CHSY1: variants seen among roughly 807,000 people sequenced by gnomAD.
The protein encoded by CHSY1 is chondroitin sulfate synthase 1, also known as N-acetylgalactosaminyl-proteoglycan 3-beta-glucuronosyltransferase 1.
CHSY1 carries 13 observed loss-of-function variants against 59.8 expected under a neutral mutation model. The observed-to-expected ratio is 0.22, with a 90% CI of 0.14 to 0.35. The LOEUF (loss-of-function observed/expected upper bound fraction) is 0.35. Among genes scored for constraint, CHSY1 ranks in the 10% least tolerant of loss-of-function variants. The pLI is 1.00. For missense variants in CHSY1, 947 were observed against 1,030.6 expected, an observed-to-expected ratio of 0.92 and a Z score of 1.11; for synonymous variants, 459 against 401.2, an observed-to-expected ratio of 1.14 and a Z score of -1.72.
rs748617879 is a variant in CHSY1, at chr15:101,178,343, T to C, written c.1454A>G (p.His485Arg). Residue 485 changes from histidine to arginine, a missense_variant, in exon 3 of 3, where the codon CAT becomes CGT. This residue lies in a region of CHSY1 where 602 missense variants were observed against 676.9 expected (regional missense o/e 0.89). Coordinates refer to ENST00000254190, the MANE Select transcript of CHSY1 (RefSeq NM_014918.5). ...QTFSKIQFVE[H>R]EELDAQELAK... Reference sequence around the variant, plus strand: ...CAACTCTTGTGCATCCAGCTCCTCATGCTCCACAAACTGGATTTTGCTGAA... The same window carrying C: ...CAACTCTTGTGCATCCAGCTCCTCACGCTCCACAAACTGGATTTTGCTGAA... 17 of 1,607,948 alleles carry C rather than the reference T, an allele frequency of 1.1e-5. No individual in the cohort carries two copies. Among genetic ancestry groups the C allele is most frequent in the East Asian group, 2.2e-5 (1 of 44,736 alleles).
At chr15:101,185,692 G>A (rs2038351507) in intron 2 of CHSY1, among the ~76,000 whole-genome samples, 2 of 137,252 alleles carry the variant, frequency 1.5e-5, no homozygotes, top group Middle Eastern at 3.8e-3. Context: ...TGTTCTCCTC[G>A]AAATATCTTT....
At chr15:101,218,999 T>G (rs2038762778) in intron 2 of CHSY1, among the ~76,000 whole-genome samples, 1 of 152,206 alleles carries the variant, frequency 6.6e-6, no homozygotes, top group African/African-American at 2.4e-5. Context: ...GAGTTCAAAC[T>G]GCAGGCTCCA....
At chr15:101,224,497 G>A (rs1213071248) in intron 2 of CHSY1, among the ~76,000 whole-genome samples, 1 of 152,176 alleles carries the variant, frequency 6.6e-6, no homozygotes, top group Non-Finnish European at 1.5e-5. Context: ...TGTTTTAAGA[G>A]TATAAATGGC....
Position 101,183,476 on chromosome 15 carries a change from A to G in CHSY1, c.817-4496T>C, listed in dbSNP as rs117474047. 9.8e-3 allele frequency among the ~76,000 whole-genome samples: 1,487 copies of G among 152,346 alleles called. 39 individuals are homozygous for G. The highest frequency in any genetic ancestry group is 9.5e-3 in the Non-Finnish European group (646 of 68,034). Reference sequence around the variant, plus strand: ...AGGAGTGGAAAATTATTCTCAGTGTAGAATTCTCTTCCCAAACTATCCATC... The same window carrying G: ...AGGAGTGGAAAATTATTCTCAGTGTGGAATTCTCTTCCCAAACTATCCATC... On this transcript the variant is annotated intron_variant, in intron 2 of 2. Transcript: ENST00000254190.
At chr15:101,212,280 T>C (rs969592290) in intron 2 of CHSY1, among the ~76,000 whole-genome samples, 3 of 152,192 alleles carry the variant, frequency 2.0e-5, no homozygotes, top group African/African-American at 7.2e-5. Flanking sequence ...ATTAAGTATA[T>C]ACCTATCCTC....
chr15:101,201,225 C>T (rs2038571343), intron 2 of CHSY1, among the ~76,000 whole-genome samples: 1 of 152,186 alleles, frequency 6.6e-6, no homozygotes, highest in Non-Finnish European at 1.5e-5. Flanking sequence ...AGAGTAGAAT[C>T]ATCTGAGATT....
At chr15:101,239,358 G>T (rs943967684) in intron 1 of CHSY1, among the ~76,000 whole-genome samples, 5 of 152,202 alleles carry the variant, frequency 3.3e-5, no homozygotes, top group African/African-American at 1.2e-4. Flanking sequence ...AGATGGGGTG[G>T]GCGAGACAAT....
chr15:101,206,573 C>A (rs2038628949), intron 2 of CHSY1, among the ~76,000 whole-genome samples: 1 of 151,896 alleles, frequency 6.6e-6, no homozygotes, highest in Admixed American at 6.6e-5. Flanking sequence ...ACAAATAACA[C>A]TTCAGAAAAT....
intron 2 of CHSY1, among the ~76,000 whole-genome samples, chr15:101,203,189 G>T (rs1015812339): frequency 1.3e-5 from 2 of 152,196 alleles, no homozygotes; most frequent in African/African-American, 4.8e-5. Context: ...GAAATAGGGG[G>T]GGTGAGGGAG....
At chr15:101,208,252 G>A (rs2038647418) in intron 2 of CHSY1, among the ~76,000 whole-genome samples, 1 of 152,122 alleles carries the variant, frequency 6.6e-6, no homozygotes, top group South Asian at 2.1e-4. Flanking sequence ...ACAGCAACGA[G>A]CACACCCACA....
chr15:101,182,082 T>A (rs1413553476), intron 2 of CHSY1, among the ~76,000 whole-genome samples: 1 of 152,234 alleles, frequency 6.6e-6, no homozygotes, highest in Non-Finnish European at 1.5e-5. Context: ...ACCGTCTGTA[T>A]CTGAAATGGA....
intron 2 of CHSY1, among the ~76,000 whole-genome samples, chr15:101,222,562 C>T (rs755511534): frequency 3.3e-5 from 5 of 152,178 alleles, no homozygotes; most frequent in Non-Finnish European, 1.5e-5. Context: ...CAATCTAGGG[C>T]CCCACAGTAC....
chr15:101,219,256 T>C (rs1316611049), intron 2 of CHSY1, among the ~76,000 whole-genome samples: 2 of 152,244 alleles, frequency 1.3e-5, no homozygotes, highest in African/African-American at 2.4e-5. Context: ...CTGAAATTAA[T>C]AGTGATTTCT....
At chr15:101,183,898 C>T (rs1177073325) in intron 2 of CHSY1, among the ~76,000 whole-genome samples, 1 of 152,160 alleles carries the variant, frequency 6.6e-6, no homozygotes, top group Non-Finnish European at 1.5e-5. Flanking sequence ...ACATGGTAAA[C>T]GGCATACAAG....
chr15:101,245,136 C>T (rs1459179988), intron 1 of CHSY1, among the ~76,000 whole-genome samples: 3 of 152,228 alleles, frequency 2.0e-5, no homozygotes, highest in Non-Finnish European at 4.4e-5. Flanking sequence ...AGGCTACTGT[C>T]CTGCCGAAAT....
At chr15:101,214,194 C>T (rs941052519) in intron 2 of CHSY1, among the ~76,000 whole-genome samples, 4 of 152,162 alleles carry the variant, frequency 2.6e-5, no homozygotes, top group East Asian at 1.9e-4. Context: ...GCAGAACTTA[C>T]GGCCCCTATT....
chr15:101,245,406 T>A (rs548621982), intron 1 of CHSY1, among the ~76,000 whole-genome samples: 3 of 152,220 alleles, frequency 2.0e-5, no homozygotes, highest in Non-Finnish European at 4.4e-5. Context: ...CATTTCTTGA[T>A]CCATCACCCA....
At chr15:101,232,072 AAT>A (rs1313820965) in intron 2 of CHSY1, among the ~76,000 whole-genome samples, 31 of 152,350 alleles carry the variant, frequency 2.0e-4, no homozygotes, top group African/African-American at 7.5e-4. Context: ...TTTAGAAATG[AAT>A]CTAGACTTTG....
chr15:101,186,056 G>C (rs951397285), intron 2 of CHSY1, among the ~76,000 whole-genome samples: 2 of 148,734 alleles, frequency 1.3e-5, no homozygotes, highest in African/African-American at 2.5e-5. Context: ...TGACCCTTAA[G>C]TAGTATAGTC....
Sources: allele counts gnomAD v4.1 joint callset (sites outside exome capture counted in the v4.1 genomes callset), GRCh38; gene constraint gnomAD v4.1.1; regional missense constraint gnomAD v4.1.1; transcripts MANE v1.5; gene names NCBI Gene and HGNC (gene_info 2026-07-23, HGNC 2026-07-21).